DPP6: variants seen among roughly 807,000 people sequenced by gnomAD.
DPP6 encodes the protein dipeptidyl peptidase like 6.
A neutral mutation model predicts 122.6 loss-of-function variants in DPP6; 69 were observed. The observed-to-expected ratio is 0.56, with a 90% CI of 0.46 to 0.69. DPP6 has a LOEUF of 0.69. DPP6 is among the 30% of genes least tolerant of loss of function. DPP6 has a pLI of 0.00. For missense variants in DPP6, 928 were observed against 1,116.9 expected (o/e 0.83, Z 2.41); for synonymous variants, 418 against 433.1 (o/e 0.97, Z 0.43).
intron 1 of DPP6, among the ~76,000 whole-genome samples, chr7:154,379,364 G>T (rs911932787): frequency 6.6e-6 from 1 of 152,078 alleles, no homozygotes; most frequent in East Asian, 1.9e-4. Context: ...GTCAGGTGGT[G>T]GGGGGCTGGG....
chr7:154,842,867 T>G (rs1006313037), intron 16 of DPP6, among the ~76,000 whole-genome samples: 1 of 152,206 alleles, frequency 6.6e-6, no homozygotes, highest in Non-Finnish European at 1.5e-5. Context: ...TATATTTCAG[T>G]TTGAACATCA....
At chr7:154,536,886 T>A (rs554530237) in intron 3 of DPP6, among the ~76,000 whole-genome samples, 1 of 152,178 alleles carries the variant, frequency 6.6e-6, no homozygotes, top group African/African-American at 2.4e-5. Context: ...GATATAAACA[T>A]ACAAAATTAG....
chr7:154,547,029 C>T (rs531849989), intron 4 of DPP6, among the ~76,000 whole-genome samples: 1 of 152,332 alleles, frequency 6.6e-6, no homozygotes, highest in African/African-American at 2.4e-5. Context: ...CTTTTCTGTT[C>T]TGCACAGAGC....
At chr7:154,111,824 T>C (rs995509858) in intron 1 of DPP6, among the ~76,000 whole-genome samples, 9 of 152,188 alleles carry the variant, frequency 5.9e-5, no homozygotes, top group Admixed American at 5.9e-4. Context: ...TGGAATTGTG[T>C]TGGTGCGTAG....
chr7:154,575,793 T>A (rs1373121385), intron 5 of DPP6, among the ~76,000 whole-genome samples: 1 of 149,802 alleles, frequency 6.7e-6, no homozygotes, highest in African/African-American at 2.5e-5. Flanking sequence ...GTGGTGTGTG[T>A]ATCTGTGTGT....
intron 1 of DPP6, among the ~76,000 whole-genome samples, chr7:154,332,766 T>C (rs530129902): frequency 3.3e-5 from 5 of 152,316 alleles, no homozygotes; most frequent in African/African-American, 1.2e-4. Context: ...AAATGTAGTC[T>C]TTCTTTGTCG....
intron 7 of DPP6, among the ~76,000 whole-genome samples, chr7:154,701,382 C>T (rs1446563224): frequency 6.6e-6 from 1 of 152,172 alleles, no homozygotes; most frequent in Non-Finnish European, 1.5e-5. Flanking sequence ...AAGTATAACC[C>T]AACGCTACCT....
intron 16 of DPP6, among the ~76,000 whole-genome samples, chr7:154,811,864 T>G (rs913763331): frequency 6.6e-6 from 1 of 152,144 alleles, no homozygotes; most frequent in African/African-American, 2.4e-5. Flanking sequence ...GAGACTCTTG[T>G]TTTCTTCTCC....
intron 1 of DPP6, among the ~76,000 whole-genome samples, chr7:154,196,918 C>G (rs563642849): frequency 4.2e-4 from 64 of 152,212 alleles, no homozygotes; most frequent in Non-Finnish European, 7.1e-4. Flanking sequence ...CGTATGTGTT[C>G]CTACCTCCAT....
intron 1 of DPP6, among the ~76,000 whole-genome samples, chr7:154,150,476 T>C (rs56767494): frequency 0.024 from 3,621 of 152,244 alleles, 139 homozygotes; most frequent in African/African-American, 0.081. Flanking sequence ...AAAGGGGAAT[T>C]GTTTGCTGTG....
chr7:154,808,774 CTT>C (rs1280641559), intron 16 of DPP6, among the ~76,000 whole-genome samples: 1 of 152,200 alleles, frequency 6.6e-6, no homozygotes, highest in Non-Finnish European at 1.5e-5. Context: ...GCCAGAGAGT[CTT>C]TTGAGGAGCT....
At chr7:154,122,271 G>GGTGGC (rs1215260241) in intron 1 of DPP6, among the ~76,000 whole-genome samples, 1 of 152,182 alleles carries the variant, frequency 6.6e-6, no homozygotes, top group Non-Finnish European at 1.5e-5. Flanking sequence ...ACTGATCAGA[G>GGTGGC]GTGGCGTGGT....
chr7:154,546,111 TA>T (rs898800502), intron 4 of DPP6, among the ~76,000 whole-genome samples: 4 of 152,100 alleles, frequency 2.6e-5, no homozygotes, highest in African/African-American at 4.8e-5. Context: ...GATAACTTTT[TA>T]AAAAAAGATA....
At chr7:154,180,198 A>T (rs1159958595) in intron 1 of DPP6, among the ~76,000 whole-genome samples, 1 of 151,878 alleles carries the variant, frequency 6.6e-6, no homozygotes, top group Non-Finnish European at 1.5e-5. Flanking sequence ...AAACACAAAA[A>T]TTAGCCAGGC....
At chr7:154,479,557 C>CAAAAAAAAAAAAAAAAAAAAAA (rs35103324) in intron 3 of DPP6, among the ~76,000 whole-genome samples, 1 of 91,230 alleles carries the variant, frequency 1.1e-5, no homozygotes, top group Non-Finnish European at 2.1e-5. Flanking sequence ...GACTCCATCT[C>CAAAAAAAAAAAAAAAAAAAAAA]AAAAAAAAAA....
intron 1 of DPP6, among the ~76,000 whole-genome samples, chr7:154,391,897 CAGTGG>C (rs1229280247): frequency 4.6e-5 from 7 of 152,144 alleles, no homozygotes; most frequent in African/African-American, 1.7e-4. Context: ...CTCCTAATGA[CAGTGG>C]TCATACTAGT....
intron 1 of DPP6, among the ~76,000 whole-genome samples, chr7:153,895,542 G>A (rs1199590875): frequency 6.6e-6 from 1 of 152,130 alleles, no homozygotes; most frequent in African/African-American, 2.4e-5. Context: ...GACTTATGTG[G>A]CATCTCTCAG....
At chr7:153,749,420 C>G in the DPP6 span, among the ~76,000 whole-genome samples, 1 of 152,124 alleles carries the variant, frequency 6.6e-6, no homozygotes, top group East Asian at 1.9e-4. This position sits in a 1 kb window ranked among gnomAD's most constrained non-coding sequence, Gnocchi z 4.1. Flanking sequence ...CAGAGGAGCT[C>G]TTTCCCGGGA....
chr7:153,824,740 T>C, the DPP6 span, among the ~76,000 whole-genome samples: 3 of 152,224 alleles, frequency 2.0e-5, no homozygotes, highest in Non-Finnish European at 2.9e-5. Flanking sequence ...TATGTCCTCC[T>C]TGGTGGCTGG....
Sources: gnomAD v4.1 joint callset for allele counts (sites outside exome capture counted in the v4.1 genomes callset) on GRCh38, gnomAD v4.1.1 for gene constraint, Gnocchi (gnomAD v3.1) non-coding constraint, MANE v1.5 for transcripts, NCBI Gene and HGNC (gene_info 2026-07-23, HGNC 2026-07-21) for gene names.